DEFB123: variants seen among roughly 807,000 people sequenced by gnomAD.
The protein encoded by DEFB123 is beta-defensin 123.
For synonymous variants in DEFB123, 22 were observed against 28.3 expected (o/e 0.78, Z 0.71); for missense variants, 71 against 75.0 (o/e 0.95, Z 0.20).
chr20:31,446,723 A>G (rs1979593630), intron 1 of DEFB123, among the ~76,000 whole-genome samples: 1 of 152,216 alleles, frequency 6.6e-6, no homozygotes, highest in South Asian at 2.1e-4. Context: ...CACATTGTGT[A>G]AGAACCTTAA....
intron 1 of DEFB123, among the ~76,000 whole-genome samples, chr20:31,443,607 T>C (rs1157158552): frequency 6.6e-6 from 1 of 152,172 alleles, no homozygotes; most frequent in African/African-American, 2.4e-5. Context: ...ACATTAATTA[T>C]CTCTACTTCC....
chr20:31,450,011 C>A lies in DEFB123; in HGVS notation c.59-18C>A, dbSNP rs374187107. 1.2e-6 allele frequency: 2 copies of A among 1,600,918 alleles called. No homozygotes were observed. The highest frequency in any genetic ancestry group is 1.7e-6 in the Non-Finnish European group (2 of 1,175,090). On this transcript the variant is annotated intron_variant, in intron 1 of 1. Transcript: ENST00000376309. ...TGTTAGGACTGATACTGTCTCCCTT[C>A]TTTCTGCTTTGTGTCAGGTGGCACC...
At chr20:31,449,390 G>A (rs1358728056) in intron 1 of DEFB123, among the ~76,000 whole-genome samples, 1 of 152,042 alleles carries the variant, frequency 6.6e-6, no homozygotes, top group Non-Finnish European at 1.5e-5. Context: ...TTAGTCTAGG[G>A]TTAATTTAGC....
intron 1 of DEFB123, among the ~76,000 whole-genome samples, chr20:31,444,664 A>G (rs944525197): frequency 6.6e-6 from 1 of 152,218 alleles, no homozygotes; most frequent in African/African-American, 2.4e-5. Context: ...TTTGTTGTTA[A>G]ATGGTGGCTT....
intron 1 of DEFB123, 36 bp downstream of exon 1, chr20:31,440,792 A>G (rs765832112): frequency 6.2e-7 from 1 of 1,610,686 alleles, no homozygotes; most frequent in South Asian, 1.1e-5. Context: ...GGCAGGGCTT[A>G]GAGACTAAGG....
In DEFB123 at chr20:31,440,667, G is replaced by A. The variant is rs1409191685; in HGVS notation, c.-32G>A. On this transcript the variant is annotated 5_prime_UTR_variant, in exon 1 of 2. Coordinates refer to ENST00000376309, the MANE Select transcript of DEFB123 (RefSeq NM_153324.4). The stretch of plus-strand genomic sequence containing the variant: ...TCCCATTAGCTCAGCCGTGGCATCG[G>A]ACTTGCAGCTTCATTTTGGGCTGCC... The A allele has an allele frequency of 6.2e-7, 1 of 1,613,274 alleles. No individual in the cohort carries two copies. The highest frequency in any genetic ancestry group is 2.2e-5 in the East Asian group (1 of 44,878).
intron 1 of DEFB123, among the ~76,000 whole-genome samples, chr20:31,446,071 G>A (rs1195804322): frequency 2.0e-5 from 3 of 152,158 alleles, no homozygotes; most frequent in Non-Finnish European, 4.4e-5. Context: ...CTAGCAGTCT[G>A]ACGGTCAGAT....
chr20:31,442,633 C>G (rs933823459), intron 1 of DEFB123, among the ~76,000 whole-genome samples: 1 of 125,354 alleles, frequency 8.0e-6, no homozygotes, highest in Admixed American at 9.4e-5. Context: ...CAGGGTCTTG[C>G]TCTGTCACCC....
rs1276456054 is a variant in DEFB123, at chr20:31,450,201, A to G, written c.*27A>G. ...TGCTTTGAAGCCTGAAGCCATGAAAATGCAGATGAAGCTCCCAGTGGATTC... is the reference window on the plus strand; with the variant it reads ...TGCTTTGAAGCCTGAAGCCATGAAAGTGCAGATGAAGCTCCCAGTGGATTC... On this transcript the variant is annotated 3_prime_UTR_variant, in exon 2 of 2. Coordinates refer to ENST00000376309, the MANE Select transcript of DEFB123 (RefSeq NM_153324.4). The G allele has an allele frequency of 1.9e-6, 3 of 1,585,402 alleles. No individual in the cohort carries two copies. Among genetic ancestry groups the G allele is most frequent in the African/African-American group, 2.7e-5 (2 of 73,096 alleles).
intron 1 of DEFB123, among the ~76,000 whole-genome samples, chr20:31,441,444 T>TGCGGGAGAGAGC (rs1480409876): frequency 6.6e-6 from 1 of 151,438 alleles, no homozygotes; most frequent in Non-Finnish European, 1.5e-5. Context: ...AAAGGTTGGA[T>TGCGGGAGAGAGC]GCGGGAGAGA....
chr20:31,440,939 C>G (rs1452933104), intron 1 of DEFB123, among the ~76,000 whole-genome samples, 183 bp downstream of exon 1: 1 of 152,200 alleles, frequency 6.6e-6, no homozygotes, highest in African/African-American at 2.4e-5. Flanking sequence ...GAGCTGCTCT[C>G]TCAGCGGCTC....
intron 1 of DEFB123, among the ~76,000 whole-genome samples, chr20:31,449,807 A>G (rs528189898): frequency 6.1e-4 from 92 of 151,568 alleles, no homozygotes; most frequent in South Asian, 1.9e-3. Flanking sequence ...ATCCGCACAC[A>G]TAAAGGCTTT....
intron 1 of DEFB123, among the ~76,000 whole-genome samples, chr20:31,446,885 T>C (rs1979597966): frequency 6.6e-6 from 1 of 150,560 alleles, no homozygotes; most frequent in Non-Finnish European, 1.5e-5. Flanking sequence ...AGGCAGAGTC[T>C]GCAGTGAGCC....
At chr20:31,449,950 C>A in intron 1 of DEFB123, 79 bp from the exon 2 acceptor site, 2 of 1,466,740 alleles carry the variant, frequency 1.4e-6, no homozygotes, top group African/African-American at 1.4e-5. Context: ...CATCTGTTTC[C>A]ATTCTTTTAC....
At chr20:31,441,308 C>T (rs1414169997) in intron 1 of DEFB123, among the ~76,000 whole-genome samples, 1 of 152,068 alleles carries the variant, frequency 6.6e-6, no homozygotes, top group Admixed American at 6.6e-5. Context: ...CATGGTCCAG[C>T]CCAGGCTGAG....
Position 31,450,184 on chromosome 20 carries a change from A to G in DEFB123, c.*10A>G, listed in dbSNP as rs1863566991. 2 of 1,594,574 alleles carry G rather than the reference A, an allele frequency of 1.3e-6. No homozygotes were observed. The highest frequency in any genetic ancestry group is 8.5e-7 in the Non-Finnish European group (1 of 1,173,004). The stretch of plus-strand genomic sequence containing the variant: ...GTGGTGGCCATTTTAACTGCTTTGA[A>G]GCCTGAAGCCATGAAAATGCAGATG... On this transcript the variant is annotated 3_prime_UTR_variant, in exon 2 of 2. Transcript: ENST00000376309.
At chr20:31,449,381 T>C (rs910898051) in intron 1 of DEFB123, among the ~76,000 whole-genome samples, 2 of 152,164 alleles carry the variant, frequency 1.3e-5, no homozygotes, top group Non-Finnish European at 2.9e-5. Context: ...GGGTATTCTT[T>C]AGTCTAGGGT....
chr20:31,447,110 G>C (rs1430692034), intron 1 of DEFB123, among the ~76,000 whole-genome samples: 1 of 151,538 alleles, frequency 6.6e-6, no homozygotes, highest in Non-Finnish European at 1.5e-5. Flanking sequence ...TAAAAATACA[G>C]AATTAGCCAG....
intron 1 of DEFB123, among the ~76,000 whole-genome samples, chr20:31,448,994 C>T (rs1250225039): frequency 6.6e-6 from 1 of 151,452 alleles, no homozygotes; most frequent in Non-Finnish European, 1.5e-5. Context: ...TCCCAAAGTG[C>T]TGGGATCATA....
Sources: allele counts gnomAD v4.1 joint callset (sites outside exome capture counted in the v4.1 genomes callset), GRCh38; gene constraint gnomAD v4.1.1; transcripts MANE v1.5; gene names NCBI Gene and HGNC (gene_info 2026-07-23, HGNC 2026-07-21).